GABRR2: variants seen among roughly 807,000 people sequenced by gnomAD.
GABRR2 encodes gamma-aminobutyric acid type A receptor subunit rho2, also known as gamma-aminobutyric acid receptor subunit rho-2.
GABRR2 carries 36 observed loss-of-function variants against 47.0 expected under a neutral mutation model. The ratio of observed to expected loss-of-function variants is 0.77; its 90% CI spans 0.59 to 1.01. GABRR2 has a LOEUF of 1.01. GABRR2 is among the 50% of genes least tolerant of loss of function. The pLI is 0.00. For missense variants in GABRR2, 587 were observed against 594.6 expected (o/e 0.99, Z 0.13); for synonymous variants, 204 against 227.5 (o/e 0.90, Z 0.93).
chr6:89,314,025 T>G lies in GABRR2; in HGVS notation c.113+1028A>C, dbSNP rs577009884. Among the ~76,000 whole-genome samples, 12 of 147,992 alleles carry G rather than the reference T, an allele frequency of 8.1e-5. No individual in the cohort carries two copies. In the East Asian group the frequency reaches 1.2e-3, roughly 14 times the overall value. On this transcript the variant is annotated intron_variant, in intron 1 of 8. Transcript: ENST00000402938. ...AACTCTTATTTATATTCAGGGTTTT[T>G]TTTTTTTTTTTCTAAAAATAAGAAA...
intron 2 of GABRR2, among the ~76,000 whole-genome samples, chr6:89,298,270 A>G (rs562012285): frequency 6.6e-6 from 1 of 152,354 alleles, no homozygotes; most frequent in South Asian, 2.1e-4. Flanking sequence ...TAAAATGCAT[A>G]GGCTTCTGGG....
At chr6:89,258,513 C>T (rs1233909267) in intron 8 of GABRR2, among the ~76,000 whole-genome samples, 5 of 149,768 alleles carry the variant, frequency 3.3e-5, no homozygotes, top group African/African-American at 1.2e-4. Flanking sequence ...CAAGACCAGC[C>T]TGGGCAACAT....
chr6:89,301,832 G>T, intron 1 of GABRR2: 1 of 1,049,684 alleles, frequency 9.5e-7, no homozygotes, highest in Non-Finnish European at 1.5e-6. Flanking sequence ...AACTAGATCG[G>T]GGCCAAGTTC....
chr6:89,255,160 G>C lies in GABRR2; in HGVS notation c.*2510C>G, dbSNP rs917182262. 2.6e-5 allele frequency among the ~76,000 whole-genome samples: 4 copies of C among 152,196 alleles called. No homozygotes were observed. The highest frequency in any genetic ancestry group is 5.9e-5 in the Non-Finnish European group (4 of 68,046). On this transcript the variant is annotated 3_prime_UTR_variant, in exon 9 of 9. Coordinates refer to ENST00000402938, the MANE Select transcript of GABRR2 (RefSeq NM_002043.5). Reference sequence around the variant, plus strand: ...TCTATAGATAAAAGGTTTCTGGCCGGGTGTGGTGGCTCACGCCTGTAATCA... The same window carrying C: ...TCTATAGATAAAAGGTTTCTGGCCGCGTGTGGTGGCTCACGCCTGTAATCA...
At chr6:89,265,901 A>G (rs1773884775) in intron 6 of GABRR2, 136 bp from the exon 7 acceptor site, 1 of 779,960 alleles carries the variant, frequency 1.3e-6, no homozygotes, top group African/African-American at 1.8e-5. Flanking sequence ...TTGGCTTAAT[A>G]TAATACCTTT....
intron 1 of GABRR2, among the ~76,000 whole-genome samples, chr6:89,310,184 T>A (rs960196569): frequency 1.3e-5 from 2 of 151,956 alleles, no homozygotes; most frequent in Non-Finnish European, 1.5e-5. Context: ...TAAAAAAAAA[T>A]TTATTTCCCC....
At chr6:89,259,768 T>G (rs2127824157) in intron 8 of GABRR2, among the ~76,000 whole-genome samples, 1 of 152,232 alleles carries the variant, frequency 6.6e-6, no homozygotes. Flanking sequence ...CCTCCTGAAG[T>G]GCTGGGATTA....
intron 2 of GABRR2, among the ~76,000 whole-genome samples, chr6:89,273,575 G>T (rs1054813236): frequency 6.6e-6 from 1 of 152,326 alleles, no homozygotes; most frequent in East Asian, 1.9e-4. Context: ...TGCTTTGAGG[G>T]TGCCAGAAAT....
At chr6:89,298,216 G>C (rs765684952) in intron 2 of GABRR2, among the ~76,000 whole-genome samples, 5 of 152,100 alleles carry the variant, frequency 3.3e-5, no homozygotes, top group Non-Finnish European at 5.9e-5. Context: ...CTGCTTAGCA[G>C]GTGTCAGAGC....
chr6:89,292,779 CGTATATACGATATATCGTAT>C lies in GABRR2; in HGVS notation c.220+6960_220+6979del, dbSNP rs1190971272. Among the ~76,000 whole-genome samples the C allele has an allele frequency of 2.5e-3, 228 of 90,936 alleles. 23 individuals are homozygous for C. Among genetic ancestry groups the C allele is most frequent in the African/African-American group, 9.1e-3 (224 of 24,670 alleles). The allele number at this position is 90,936 out of a possible 152,430, so 59.7% of individuals were successfully genotyped here. ...CGTATATACGATATATCGTATATATCGTATATACGATATATCGTATATATCGTATATACGATATATCGTAT... is the reference window on the plus strand; with the variant it reads ...CGTATATACGATATATCGTATATATCATATCGTATATACGATATATCGTAT... On this transcript the variant is annotated intron_variant, in intron 2 of 8. Transcript: ENST00000402938.
chr6:89,294,768 C>A (rs1357900104), intron 2 of GABRR2, among the ~76,000 whole-genome samples: 1 of 149,764 alleles, frequency 6.7e-6, no homozygotes, highest in African/African-American at 2.5e-5. Context: ...TTAGGTATAT[C>A]TCCTAATGCT....
intron 2 of GABRR2, among the ~76,000 whole-genome samples, chr6:89,272,046 A>G (rs1388213191): frequency 6.6e-6 from 1 of 152,210 alleles, no homozygotes; most frequent in Non-Finnish European, 1.5e-5. Context: ...ATGTGGCTGT[A>G]GTGCCTGACT....
intron 2 of GABRR2, among the ~76,000 whole-genome samples, chr6:89,285,369 T>G (rs1295367824): frequency 6.6e-6 from 1 of 152,238 alleles, no homozygotes; most frequent in Non-Finnish European, 1.5e-5. Flanking sequence ...TGACTCTTTT[T>G]CCCTTGGTGG....
rs1554198097 is a variant in GABRR2 at position 89,292,774 on chromosome 6, T to TATATC, written c.220+6980_220+6984dup. On this transcript the variant is annotated intron_variant, in intron 2 of 8. Transcript: ENST00000402938. ...TATATCGTATATACGATATATCGTATATATCGTATATACGATATATCGTAT... is the reference window on the plus strand; with the variant it reads ...TATATCGTATATACGATATATCGTATATATCATATCGTATATACGATATATCGTAT... Among the ~76,000 whole-genome samples, 14 of 42,486 alleles carry TATATC rather than the reference T, an allele frequency of 3.3e-4. 1 individual carries two copies. Among genetic ancestry groups the TATATC allele is most frequent in the African/African-American group, 2.6e-3 (13 of 5,022 alleles). The allele number at this position is 42,486 out of a possible 152,430, so 27.9% of individuals were successfully genotyped here. A position where few individuals can be genotyped will look rare whatever the true frequency, so the allele number is the denominator to read the frequency against.
chr6:89,300,745 C>CAAAA lies in GABRR2; in HGVS notation c.114-884_114-881dup, dbSNP rs56360515. On this transcript the variant is annotated intron_variant, in intron 1 of 8. Coordinates refer to ENST00000402938, the MANE Select transcript of GABRR2 (RefSeq NM_002043.5). ...AATCAATAATAAATAGCGTACCAAC[C>CAAAA]AAAAAAAAAAAAAAAAAAAAAGGCC... 2.9e-4 allele frequency among the ~76,000 whole-genome samples: 22 copies of CAAAA among 76,396 alleles called. 1 individual carries two copies. In the South Asian group the frequency reaches 3.8e-3, roughly 13 times the overall value. The allele number at this position is 76,396 out of a possible 152,430, so 50.1% of individuals were successfully genotyped here. A position where few individuals can be genotyped will look rare whatever the true frequency, so the allele number is the denominator to read the frequency against.
intron 2 of GABRR2, among the ~76,000 whole-genome samples, chr6:89,288,137 A>G (rs1010126416): frequency 3.3e-5 from 5 of 152,172 alleles, no homozygotes; most frequent in African/African-American, 9.7e-5. Flanking sequence ...AATCAATTCA[A>G]TGAACAGAAT....
At chr6:89,301,948 TCTC>T (rs1767449402) in intron 1 of GABRR2, 7 of 939,792 alleles carry the variant, frequency 7.4e-6, no homozygotes, top group Non-Finnish European at 1.7e-6. Flanking sequence ...CGAGGCCTCT[TCTC>T]ATAAGTATGT....
In GABRR2 at chr6:89,257,843, C is replaced by T. The variant is rs1357068233; in HGVS notation, c.1225G>A (p.Val409Ile). Residue 409 changes from valine (V) to isoleucine (I), a missense_variant, in exon 9 of 9, where the codon GTC becomes ATC. Coordinates refer to ENST00000402938, the MANE Select transcript of GABRR2 (RefSeq NM_002043.5). ...GCTTCACCACTCAGGCCCAGGTGGA[C>T]CACTATTTTGTCTTGCCTTTCTTCT... ...TEEERQDKIV[V>I]HLGLSGEANA... is the part of the protein sequence containing the mutation. The T allele has an allele frequency of 1.2e-6, 2 of 1,613,934 alleles. No individual in the cohort carries two copies. The highest frequency in any genetic ancestry group is 2.2e-5 in the East Asian group (1 of 44,902).
chr6:89,264,338 G>T, intron 8 of GABRR2, 74 bp downstream of exon 8: 1 of 1,485,974 alleles, frequency 6.7e-7, no homozygotes, highest in Non-Finnish European at 9.0e-7. Flanking sequence ...CCCTGCCTCT[G>T]CCCCCTGGCC....
Sources: allele counts gnomAD v4.1 joint callset (sites outside exome capture counted in the v4.1 genomes callset), GRCh38; gene constraint gnomAD v4.1.1; transcripts MANE v1.5; gene names NCBI Gene and HGNC (gene_info 2026-07-23, HGNC 2026-07-21).